The following MYO16 variants were observed in gnomAD, a reference collection of about 807,000 sequenced individuals.
MYO16 encodes unconventional myosin-XVI.
Under a neutral mutation model 205.3 loss-of-function variants are expected in MYO16, and 94 were observed. The observed-to-expected ratio is 0.46, with a 90% CI of 0.39 to 0.54. The LOEUF (loss-of-function observed/expected upper bound fraction) is 0.54, where lower values mean the gene tolerates loss of function less well. Ranked by LOEUF, MYO16 falls within the 20% of genes least tolerant of loss-of-function variation. MYO16 has a pLI of 0.00. For synonymous variants in MYO16, 988 were observed against 954.0 expected (o/e 1.04, Z -0.66); for missense variants, 2,315 against 2,387.5 (o/e 0.97, Z 0.63).
chr13:108,613,880 C>T (rs1879258899), intron 1 of MYO16, among the ~76,000 whole-genome samples: 3 of 152,094 alleles, frequency 2.0e-5, no homozygotes, highest in Admixed American at 1.3e-4. Context: ...CAGAAAGATG[C>T]TTCCTGAACC....
At chr13:108,792,734 G>A (rs1243287669) in intron 5 of MYO16, among the ~76,000 whole-genome samples, 5 of 151,922 alleles carry the variant, frequency 3.3e-5, no homozygotes, top group African/African-American at 1.2e-4. Flanking sequence ...CTGGTCTTCA[G>A]CTCTTGCCCT....
At chr13:108,538,516 A>T in the MYO16 span, among the ~76,000 whole-genome samples, 2 of 152,096 alleles carry the variant, frequency 1.3e-5, no homozygotes, top group Non-Finnish European at 2.9e-5. Flanking sequence ...TGTTGGGGTG[A>T]CAAAGTGAAG....
chr13:108,667,888 A>G (rs1465958056), intron 2 of MYO16, among the ~76,000 whole-genome samples: 7 of 152,004 alleles, frequency 4.6e-5, no homozygotes, highest in African/African-American at 1.7e-4. Flanking sequence ...TCTACAAAAT[A>G]TTTTTTAAAA....
intron 10 of MYO16, among the ~76,000 whole-genome samples, chr13:108,853,954 T>TTTTGTGTG (rs1555305767): frequency 8.7e-5 from 12 of 138,594 alleles, no homozygotes; most frequent in African/African-American, 2.9e-4. Context: ...GTTTCTATTA[T>TTTTGTGTG]TGTGTGTGTG....
intron 1 of MYO16, among the ~76,000 whole-genome samples, chr13:108,619,421 G>A (rs150958778): frequency 1.5e-3 from 221 of 152,040 alleles, no homozygotes; most frequent in African/African-American, 5.0e-3. Context: ...TCTTACTTCC[G>A]ATCTGTATCT....
chr13:108,729,030 T>A (rs778955996), intron 4 of MYO16, among the ~76,000 whole-genome samples: 1 of 152,032 alleles, frequency 6.6e-6, no homozygotes, highest in Non-Finnish European at 1.5e-5. Flanking sequence ...AAAAGTGTAT[T>A]TCTTTCAAAT....
intron 5 of MYO16, among the ~76,000 whole-genome samples, chr13:108,792,021 A>G (rs572693649): frequency 1.8e-4 from 27 of 152,352 alleles, no homozygotes; most frequent in Non-Finnish European, 3.7e-4. Context: ...CACCATCATT[A>G]TCATTTTTCC....
At chr13:108,767,337 C>T (rs1373885098) in intron 4 of MYO16, among the ~76,000 whole-genome samples, 7 of 152,256 alleles carry the variant, frequency 4.6e-5, no homozygotes, top group African/African-American at 1.4e-4. Context: ...CTCCTGACCT[C>T]GTGATCCATC....
chr13:108,705,546 A>G (rs773925225), intron 2 of MYO16, among the ~76,000 whole-genome samples: 7 of 152,214 alleles, frequency 4.6e-5, no homozygotes, highest in African/African-American at 7.2e-5. Flanking sequence ...TATTATTGTC[A>G]TTAATCTTTT....
At chr13:108,568,612 T>C in the MYO16 span, among the ~76,000 whole-genome samples, 3 of 152,120 alleles carry the variant, frequency 2.0e-5, no homozygotes, top group Non-Finnish European at 4.4e-5. Flanking sequence ...TTTGAAAATA[T>C]TTTCTTCCAT....
intron 6 of MYO16, among the ~76,000 whole-genome samples, chr13:108,800,397 T>C (rs1389710311): frequency 6.6e-6 from 1 of 152,178 alleles, no homozygotes; most frequent in Non-Finnish European, 1.5e-5. Context: ...CCTAACACAC[T>C]AAGAGTGCTC....
the MYO16 span, among the ~76,000 whole-genome samples, chr13:108,519,755 A>G: frequency 6.6e-6 from 1 of 152,260 alleles, no homozygotes; most frequent in African/African-American, 2.4e-5. Context: ...AAATAATGCT[A>G]GGAAGACCAT....
At chr13:109,143,001 T>A (rs1247007245) in intron 32 of MYO16, among the ~76,000 whole-genome samples, 1 of 152,092 alleles carries the variant, frequency 6.6e-6, no homozygotes, top group South Asian at 2.1e-4. Context: ...GACCCTCTAC[T>A]GGTAACACAG....
At chr13:109,106,492 A>T (rs576427746) in intron 28 of MYO16, among the ~76,000 whole-genome samples, 1 of 152,230 alleles carries the variant, frequency 6.6e-6, no homozygotes, top group Non-Finnish European at 1.5e-5. Flanking sequence ...TATATCATTT[A>T]TGTAAAATGA....
intron 23 of MYO16, among the ~76,000 whole-genome samples, chr13:109,036,352 C>G (rs1006773095): frequency 2.6e-5 from 4 of 152,256 alleles, no homozygotes; most frequent in Non-Finnish European, 2.9e-5. Flanking sequence ...CTTTTGTTCT[C>G]TTTGTGGAGC....
At chr13:108,893,681 C>T (rs1402047463) in intron 14 of MYO16, among the ~76,000 whole-genome samples, 4 of 152,146 alleles carry the variant, frequency 2.6e-5, no homozygotes, top group Admixed American at 6.5e-5. Flanking sequence ...ATTAGAGACA[C>T]GGTTTAGCCA....
At chr13:108,638,815 C>G (rs1209452852) in intron 1 of MYO16, among the ~76,000 whole-genome samples, 1 of 151,972 alleles carries the variant, frequency 6.6e-6, no homozygotes, top group Non-Finnish European at 1.5e-5. Flanking sequence ...TATTATGAGA[C>G]AAGACAGGGA....
At chr13:108,916,354 G>A (rs959228595) in intron 16 of MYO16, among the ~76,000 whole-genome samples, 6 of 152,310 alleles carry the variant, frequency 3.9e-5, no homozygotes, top group African/African-American at 1.2e-4. Context: ...CAGTAGCCAA[G>A]ATCTGAATCC....
the MYO16 span, among the ~76,000 whole-genome samples, chr13:108,549,312 A>G: frequency 1.3e-5 from 2 of 152,198 alleles, no homozygotes; most frequent in African/African-American, 4.8e-5. Context: ...AAAAGGGGCT[A>G]CAAGCCAACA....
Sources: gnomAD v4.1 joint callset for allele counts (sites outside exome capture counted in the v4.1 genomes callset) on GRCh38, gnomAD v4.1.1 for gene constraint, MANE v1.5 for transcripts, NCBI Gene and HGNC (gene_info 2026-07-23, HGNC 2026-07-21) for gene names.